Variants in NFATC1 observed in about 807,000 individuals in gnomAD.
The protein encoded by NFATC1 is nuclear factor of activated T cells 1.
NFATC1 carries 22 observed loss-of-function variants against 76.0 expected under a neutral mutation model. The ratio of observed to expected loss-of-function variants is 0.29; its 90% CI spans 0.21 to 0.41. The LOEUF is 0.41. NFATC1 is among the 10% of genes least tolerant of loss of function. The pLI is 1.00. For missense variants in NFATC1, 1,357 were observed against 1,337.7 expected, an observed-to-expected ratio of 1.01 and a Z score of -0.23; for synonymous variants, 704 against 613.1, an observed-to-expected ratio of 1.15 and a Z score of -2.19.
chr18:79,503,323 G>T (rs992239504), intron 9 of NFATC1, among the ~76,000 whole-genome samples: 1 of 152,326 alleles, frequency 6.6e-6, no homozygotes, highest in African/African-American at 2.4e-5. Flanking sequence ...GGAGTGTGTG[G>T]CTTCCAGGGC....
chr18:79,502,949 A>G (rs1011893592), intron 9 of NFATC1, among the ~76,000 whole-genome samples: 11 of 152,166 alleles, frequency 7.2e-5, no homozygotes, highest in Non-Finnish European at 1.5e-4. Context: ...TTGCCATGTG[A>G]CTCAGCAGTT....
chr18:79,510,150 C>T (rs1488589171), intron 9 of NFATC1, among the ~76,000 whole-genome samples: 8 of 152,208 alleles, frequency 5.3e-5, no homozygotes, highest in Admixed American at 4.6e-4. Flanking sequence ...GGAGGAAATT[C>T]AGACAGGACA....
chr18:79,512,089 C>T (rs1365413381), intron 9 of NFATC1, among the ~76,000 whole-genome samples: 5 of 152,130 alleles, frequency 3.3e-5, no homozygotes, highest in Non-Finnish European at 4.4e-5. Flanking sequence ...CCTGGCATGG[C>T]GGACAGAGAG....
chr18:79,403,362 G>A (rs1471714256), intron 1 of NFATC1, among the ~76,000 whole-genome samples: 1 of 152,252 alleles, frequency 6.6e-6, no homozygotes, highest in African/African-American at 2.4e-5. Context: ...TTTCCCAGGC[G>A]GGATGGGAGT....
intron 8 of NFATC1, among the ~76,000 whole-genome samples, chr18:79,483,195 ACCTGGTTCCTGGGGTGTAATTCCAGCG>A: frequency 3.0e-5 from 3 of 100,174 alleles, no homozygotes. Flanking sequence ...TTCCAGCGTG[ACCTGGTTCCTGGGGTGTAATTCCAGCG>A]TGACCTGGTC....
rs919156608 is a variant in NFATC1, at chr18:79,430,141, C to G, written c.1227-3438C>G. Among the ~76,000 whole-genome samples, 21 of 152,206 alleles carry G rather than the reference C, an allele frequency of 1.4e-4. 1 individual carries two copies. Among genetic ancestry groups the G allele is most frequent in the Non-Finnish European group, 4.4e-5 (3 of 68,036 alleles). ...AAGGACGCGTTTTTCAGAATGTGTC[C>G]TTGTCATAAAGTGACACGTGGCTGC... is the stretch of plus-strand genomic sequence containing the variant. On this transcript the variant is annotated intron_variant, in intron 2 of 9. Transcript: ENST00000427363.
intron 9 of NFATC1, among the ~76,000 whole-genome samples, chr18:79,511,432 G>A (rs1286350502): frequency 6.6e-6 from 1 of 152,204 alleles, no homozygotes; most frequent in African/African-American, 2.4e-5. Flanking sequence ...TCTGCCGGGG[G>A]TCAGTGCTGC....
At chr18:79,474,284 T>G (rs542747756) in intron 8 of NFATC1, among the ~76,000 whole-genome samples, 2 of 139,394 alleles carry the variant, frequency 1.4e-5, no homozygotes, top group Admixed American at 1.4e-4. Flanking sequence ...GGAAGCGTGT[T>G]CTCACGCTCA....
intron 1 of NFATC1, among the ~76,000 whole-genome samples, chr18:79,398,702 T>C (rs979797446): frequency 8.5e-5 from 13 of 152,218 alleles, no homozygotes; most frequent in African/African-American, 3.1e-4. Flanking sequence ...AAAGTTTTAG[T>C]CTAAACAGAT....
At chr18:79,503,971 ATC>A (rs2090069051) in intron 9 of NFATC1, among the ~76,000 whole-genome samples, 1 of 152,070 alleles carries the variant, frequency 6.6e-6, no homozygotes, top group South Asian at 2.1e-4. Context: ...CAGCTTCCTC[ATC>A]TCTCAGCCTT....
At chr18:79,451,554 G>A (rs548084525) in intron 5 of NFATC1, 122 bp from the exon 6 acceptor site, 33 of 1,135,650 alleles carry the variant, frequency 2.9e-5, no homozygotes, top group African/African-American at 1.1e-4. Context: ...GGGTCGGCCC[G>A]CAGGTCGTGG....
intron 8 of NFATC1, among the ~76,000 whole-genome samples, chr18:79,472,051 T>C (rs2088808952): frequency 6.6e-6 from 1 of 152,006 alleles, no homozygotes; most frequent in African/African-American, 2.4e-5. Flanking sequence ...GCAATAACTG[T>C]GGCATCGGAG....
chr18:79,516,733 C>T (rs1405503908), intron 9 of NFATC1, among the ~76,000 whole-genome samples: 1 of 152,226 alleles, frequency 6.6e-6, no homozygotes, highest in Non-Finnish European at 1.5e-5. Flanking sequence ...GCGGCCTCTT[C>T]AGTTACCTTG....
chr18:79,442,013 G>A (rs558463929), intron 3 of NFATC1, among the ~76,000 whole-genome samples: 14 of 152,296 alleles, frequency 9.2e-5, no homozygotes, highest in South Asian at 4.1e-4. Flanking sequence ...CCCTGGCTCC[G>A]TGGCCCTGTC....
intron 1 of NFATC1, among the ~76,000 whole-genome samples, chr18:79,397,783 G>C (rs1181125928): frequency 1.3e-5 from 2 of 152,140 alleles, no homozygotes; most frequent in Non-Finnish European, 2.9e-5. Flanking sequence ...GTAGTAAGGA[G>C]CCCCTTTCTT....
At chr18:79,499,099 A>G (rs1024561114) in intron 9 of NFATC1, among the ~76,000 whole-genome samples, 1 of 152,232 alleles carries the variant, frequency 6.6e-6, no homozygotes, top group South Asian at 2.1e-4. Context: ...CATGTTTTAA[A>G]CTTTTCTTCT....
chr18:79,468,073 G>A, intron 8 of NFATC1: 1 of 854,932 alleles, frequency 1.2e-6, no homozygotes, highest in Non-Finnish European at 1.4e-6. Flanking sequence ...CACTTCTCCA[G>A]GGGTAACTTC....
At chr18:79,497,850 C>A (rs933599657) in intron 9 of NFATC1, 3 of 152,022 alleles carry the variant, frequency 2.0e-5, no homozygotes, top group African/African-American at 7.3e-5. Context: ...CTGGTAACAG[C>A]AGACCATTAA....
intron 2 of NFATC1, among the ~76,000 whole-genome samples, chr18:79,425,996 G>C (rs890442320): frequency 6.6e-6 from 1 of 152,148 alleles, no homozygotes; most frequent in Non-Finnish European, 1.5e-5. Context: ...AGGATCGCTG[G>C]AGCCCAGGAG....
Sources: gnomAD v4.1 joint callset for allele counts (sites outside exome capture counted in the v4.1 genomes callset) on GRCh38, gnomAD v4.1.1 for gene constraint, MANE v1.5 for transcripts, NCBI Gene and HGNC (gene_info 2026-07-23, HGNC 2026-07-21) for gene names.